Variants in FBL observed in about 807,000 individuals in gnomAD.
The protein encoded by FBL is rRNA 2'-O-methyltransferase fibrillarin.
A neutral mutation model predicts 42.2 loss-of-function variants in FBL; 10 were observed. The ratio of observed to expected loss-of-function variants is 0.24; its 90% confidence interval spans 0.15 to 0.40. FBL has a LOEUF of 0.40. Among genes scored for constraint, FBL ranks in the 10% least tolerant of loss-of-function variants. The pLI, the probability that FBL is intolerant of heterozygous loss-of-function variation, is 1.00. For synonymous variants in FBL, 165 were observed against 165.4 expected (o/e 1.00, Z 0.02); for missense variants, 351 against 439.2 (o/e 0.80, Z 1.79).
Position 39,846,362 on chromosome 19 carries a change from C to G in FBL, c.-62G>C. The G allele has an allele frequency of 1.2e-6, 2 of 1,602,970 alleles. No homozygotes were observed. Among genetic ancestry groups the G allele is most frequent in the Non-Finnish European group, 1.7e-6 (2 of 1,174,242 alleles). The stretch of plus-strand genomic sequence containing the variant: ...CGTTCACAACTCCACGAGTCCGGGG[C>G]TTTCGCACGTGGAAAAGAGCGCAGG... On this transcript the variant is annotated 5_prime_UTR_variant, in exon 1 of 9. Transcript: ENST00000221801.
chr19:39,839,754 G>A (rs535478151), intron 4 of FBL, among the ~76,000 whole-genome samples: 1 of 152,322 alleles, frequency 6.6e-6, no homozygotes, highest in South Asian at 2.1e-4. Context: ...ACATTCCCAC[G>A]AGAGGGAGAG....
At chr19:39,838,124 CAG>C (rs1169997599) in intron 5 of FBL, 1 of 388,408 alleles carries the variant, frequency 2.6e-6, no homozygotes, top group South Asian at 3.0e-5. Context: ...AGCCAAGGCA[CAG>C]AGATGATGTA....
rs746722061 is a variant in FBL, at chr19:39,840,633, T to A, written c.165A>T (p.Gly55=). 1 of 1,612,604 alleles carries A rather than the reference T, an allele frequency of 6.2e-7. No individual in the cohort carries two copies. The highest frequency in any genetic ancestry group is 1.1e-5 in the South Asian group (1 of 91,002). Residue 55 remains glycine (G), a synonymous_variant, in exon 2 of 9, where the codon GGA becomes GGT. Transcript: ENST00000221801. The surrounding 1 kb of genome is among the most constrained non-coding windows in gnomAD (Gnocchi z 4.5). ...RGGGGGGGGG[G]GGGRGGGGFH... ...CAATCTTACCACCTCTTCCTCCTCC[T>A]CCACCGCCGCCGCCGCCTCCACCTC...
At chr19:39,841,510 C>A (rs1217103843) in intron 1 of FBL, among the ~76,000 whole-genome samples, 1 of 152,176 alleles carries the variant, frequency 6.6e-6, no homozygotes, top group East Asian at 1.9e-4. Flanking sequence ...TCCTTGGTTG[C>A]ATAGCAGATT....
intron 6 of FBL, among the ~76,000 whole-genome samples, chr19:39,837,035 A>C: frequency 6.6e-6 from 1 of 152,356 alleles, no homozygotes; most frequent in African/African-American, 2.4e-5. Flanking sequence ...ACTTATAGGC[A>C]AGAGTGTCCG....
At position 39,846,209 on chromosome 19, in the gene FBL, C is replaced by A. The variant is rs1203490035; in HGVS notation, c.10+82G>T. ...CAGAACCCCTGCCCCCAGGCCAAGG[C>A]CCCACCCCTCCGATTCTGGCCTGGC... On this transcript the variant is annotated intron_variant, in intron 1 of 8. Transcript: ENST00000221801. 9 of 1,535,050 alleles carry A rather than the reference C, an allele frequency of 5.9e-6. No homozygotes were observed. In the East Asian group the frequency reaches 1.6e-4, roughly 27 times the overall value.
intron 1 of FBL, among the ~76,000 whole-genome samples, chr19:39,842,780 G>C (rs1314695154): frequency 6.6e-6 from 1 of 152,072 alleles, no homozygotes; most frequent in Non-Finnish European, 1.5e-5. Context: ...CTGGGCGCAA[G>C]GTCTTCCCCT....
At chr19:39,834,616 G>C in intron 8 of FBL, 52 bp downstream of exon 8, 1 of 1,613,996 alleles carries the variant, frequency 6.2e-7, no homozygotes, top group Non-Finnish European at 8.5e-7. Flanking sequence ...TGGCACTCGG[G>C]GTGCAAGGGA....
chr19:39,837,815 G>A lies in FBL; in HGVS notation c.578C>T (p.Ser193Phe). ...PDGLVYAVEF[S>F]HRSGRDLINL... ...AATGAGGTCACGGCCAGAGCGGTGG[G>A]AGAACTCGACTGCATAGACTAGACC... is the stretch of plus-strand genomic sequence containing the variant. Residue 193 changes from serine to phenylalanine, a missense_variant, in exon 6 of 9, where the codon TCC becomes TTC. By Grantham distance (155) the Ser-to-Phe change is radical. Coordinates refer to ENST00000221801, the MANE Select transcript of FBL (RefSeq NM_001436.4). The A allele has an allele frequency of 6.2e-7, 1 of 1,613,284 alleles. No individual in the cohort carries two copies. The highest frequency in any genetic ancestry group is 2.2e-5 in the East Asian group (1 of 44,798).
At chr19:39,843,140 CACT>C (rs1307225940) in intron 1 of FBL, among the ~76,000 whole-genome samples, 22 of 152,184 alleles carry the variant, frequency 1.4e-4, no homozygotes, top group Non-Finnish European at 2.9e-4. Context: ...CTGCCTCCCC[CACT>C]AAGATCAAGC....
chr19:39,842,210 C>T (rs1969175936), intron 1 of FBL, among the ~76,000 whole-genome samples: 1 of 152,062 alleles, frequency 6.6e-6, no homozygotes, highest in Non-Finnish European at 1.5e-5. Flanking sequence ...CTCAGCCTCC[C>T]CAGTAGCTGG....
chr19:39,839,872 GACGCA>G (rs2145060929), intron 4 of FBL, among the ~76,000 whole-genome samples: 1 of 152,288 alleles, frequency 6.6e-6, no homozygotes, highest in South Asian at 2.1e-4. Context: ...AGAGTGGTGT[GACGCA>G]GCCTGGAGAA....
In FBL at chr19:39,840,716, C is replaced by T. The variant is rs1190102886; in HGVS notation, c.82G>A (p.Gly28Arg). The change falls in exon 2 of 9, where the codon GGG becomes AGG. Residue 28 changes from glycine (G) to arginine (R), a missense_variant. Transcript: ENST00000221801. This position sits in a 1 kb window ranked among gnomAD's most constrained non-coding sequence, Gnocchi z 4.5. ...CGACCTCGGCCCCCGCCAAAGCCCC[C>T]TCGGCCTCCACGACCACCACGGTCA... is the stretch of plus-strand genomic sequence containing the variant. Reference protein sequence around the residue: ...FGDRGGRGGRGGFGGGRGRGG... With the variant: ...FGDRGGRGGRRGFGGGRGRGG... 7 of 1,581,614 alleles carry T rather than the reference C, an allele frequency of 4.4e-6. No homozygotes were observed. The highest frequency in any genetic ancestry group is 6.0e-6 in the Non-Finnish European group (7 of 1,164,366).
chr19:39,838,134 G>T (rs529794444), intron 5 of FBL: 2 of 360,170 alleles, frequency 5.6e-6, no homozygotes, highest in Admixed American at 4.5e-5. Context: ...CAGAGATGAT[G>T]TAACAATGGG....
chr19:39,840,695 C>T lies in FBL; in HGVS notation c.103G>A (p.Gly35Ser). ...CGACCTCTAAAGCCTCCGCCTCGAC[C>T]TCGGCCCCCGCCAAAGCCCCCTCGG... ...GGRGGFGGGR[G>S]RGGGFRGRGR... Residue 35 changes from glycine to serine, a missense_variant, in exon 2 of 9, where the codon GGT becomes AGT. By Grantham distance (56) the Gly-to-Ser change is moderately conservative. Transcript: ENST00000221801. This position sits in a 1 kb window ranked among gnomAD's most constrained non-coding sequence, Gnocchi z 4.5. 4 of 1,589,978 alleles carry T rather than the reference C, an allele frequency of 2.5e-6. No individual in the cohort carries two copies. The highest frequency in any genetic ancestry group is 2.6e-6 in the Non-Finnish European group (3 of 1,168,678).
chr19:39,837,014 A>T (rs1969061708), intron 6 of FBL, among the ~76,000 whole-genome samples: 1 of 152,218 alleles, frequency 6.6e-6, no homozygotes, highest in African/African-American at 2.4e-5. Flanking sequence ...GACAAGTAAG[A>T]GTGAGTGAGC....
chr19:39,841,598 GC>G (rs1282182147), intron 1 of FBL, among the ~76,000 whole-genome samples: 1 of 152,088 alleles, frequency 6.6e-6, no homozygotes, highest in Non-Finnish European at 1.5e-5. Context: ...TGACAACAGG[GC>G]CCCCTAGACT....
At position 39,837,652 on chromosome 19, in the gene FBL, C is replaced by T. The variant is rs191458091; in HGVS notation, c.682+59G>A. On this transcript the variant is annotated intron_variant, in intron 6 of 8. Coordinates refer to ENST00000221801, the MANE Select transcript of FBL (RefSeq NM_001436.4). ...ATCCGAATCAGAGATCCACTGGCTTCTTCCAGAAGCCTGCGGTGGCCTGTC... is the reference window on the plus strand; with the variant it reads ...ATCCGAATCAGAGATCCACTGGCTTTTTCCAGAAGCCTGCGGTGGCCTGTC... The T allele has an allele frequency of 2.7e-6, 4 of 1,462,808 alleles. No homozygotes were observed. The African/African-American group carries it at 4.4e-5, about 16-fold the overall frequency. The allele number at this position is 1,462,808 out of a possible 1,614,324, so 90.6% of individuals were successfully genotyped here.
Position 39,839,174 on chromosome 19 carries a change from C to T in FBL, c.410G>A (p.Trp137Ter). 1 of 1,613,210 alleles carries T rather than the reference C, an allele frequency of 6.2e-7. No individual in the cohort carries two copies. Among genetic ancestry groups the T allele is most frequent in the Non-Finnish European group, 8.5e-7 (1 of 1,179,478 alleles). Residue 137 changes from tryptophan (W) to a stop codon, truncating the protein, a stop_gained, in exon 5 of 9, where the codon TGG becomes TAG. Coordinates refer to ENST00000221801, the MANE Select transcript of FBL (RefSeq NM_001436.4). LOFTEE classifies it high-confidence loss of function. ...EGDDKIEYRA[W>*]NPFRSKLAAA... ...TGCTAGCTTGGAGCGGAAGGGGTTC[C>T]AGGCTCGGTACTCAATTTTGTCATC...
Sources: gnomAD v4.1 joint callset for allele counts (sites outside exome capture counted in the v4.1 genomes callset) on GRCh38, gnomAD v4.1.1 for gene constraint, Gnocchi (gnomAD v3.1) non-coding constraint, MANE v1.5 for transcripts, NCBI Gene and HGNC (gene_info 2026-07-23, HGNC 2026-07-21) for gene names.